The following TAFA2 variants were observed in gnomAD, a reference collection of about 807,000 sequenced individuals.
The protein encoded by TAFA2 is TAFA chemokine like family member 2, also known as chemokine-like protein TAFA-2.
TAFA2 carries 7 observed loss-of-function variants against 18.8 expected under a neutral mutation model. The ratio of observed to expected loss-of-function variants is 0.37; its 90% CI spans 0.21 to 0.70. TAFA2 has a LOEUF of 0.70. Among genes scored for constraint, TAFA2 ranks in the 30% least tolerant of loss-of-function variants. The probability of loss-of-function intolerance (pLI) is 0.53; values close to 1 mark genes in which losing one functional copy is unlikely to be tolerated. For synonymous variants in TAFA2, 60 were observed against 54.2 expected (o/e 1.11, Z -0.47); for missense variants, 122 against 158.1 (o/e 0.77, Z 1.23).
At chr12:61,834,477 A>C (rs769802596) in intron 2 of TAFA2, among the ~76,000 whole-genome samples, 15 of 152,064 alleles carry the variant, frequency 9.9e-5, no homozygotes, top group Non-Finnish European at 1.9e-4. Flanking sequence ...GAAATCTGGA[A>C]GCCTGATAGT....
Position 61,862,435 on chromosome 12 carries a change from C to G in TAFA2, c.106+4885G>C, listed in dbSNP as rs753898202. Among the ~76,000 whole-genome samples the G allele has an allele frequency of 3.4e-4, 51 of 152,170 alleles. 1 individual carries two copies. The highest frequency in any genetic ancestry group is 2.6e-4 in the Non-Finnish European group (18 of 68,030). On this transcript the variant is annotated intron_variant, in intron 2 of 4. Transcript: ENST00000416284. Reference sequence around the variant, plus strand: ...TTTATTAAGAAGATGACAACAATTTCTGATTTTTAGATACCCATTTTTTCA... The same window carrying G: ...TTTATTAAGAAGATGACAACAATTTGTGATTTTTAGATACCCATTTTTTCA...
intron 1 of TAFA2, among the ~76,000 whole-genome samples, chr12:62,056,243 T>C (rs1882184523): frequency 6.6e-6 from 1 of 152,176 alleles, no homozygotes; most frequent in Middle Eastern, 3.2e-3. Flanking sequence ...ACACAATAGC[T>C]TGCTACATCG....
chr12:62,067,214 A>T (rs1882512862), intron 1 of TAFA2, among the ~76,000 whole-genome samples: 1 of 151,928 alleles, frequency 6.6e-6, no homozygotes, highest in Non-Finnish European at 1.5e-5. Flanking sequence ...CTGGTTATTA[A>T]TCCCTTGTCA....
At chr12:61,955,600 C>CAAAAAAAAA in intron 1 of TAFA2, among the ~76,000 whole-genome samples, 1 of 38,938 alleles carries the variant, frequency 2.6e-5, no homozygotes. Flanking sequence ...GACTCCATCT[C>CAAAAAAAAA]AAAAAAAAAA....
At chr12:62,010,710 C>A (rs1411620718) in intron 1 of TAFA2, among the ~76,000 whole-genome samples, 2 of 130,398 alleles carry the variant, frequency 1.5e-5, no homozygotes, top group African/African-American at 5.9e-5. Flanking sequence ...GAAGTGGGCG[C>A]CTCTGCCCGG....
rs1427291324 is a variant in TAFA2 at position 61,851,707 on chromosome 12, G to A, written c.106+15613C>T. Among the ~76,000 whole-genome samples, 69 of 142,598 alleles carry A rather than the reference G, an allele frequency of 4.8e-4. 1 individual carries two copies. The highest frequency in any genetic ancestry group is 1.8e-3 in the African/African-American group (68 of 38,206). 93.5% of individuals were successfully genotyped at this position (142,598 alleles called of 152,430 possible). On this transcript the variant is annotated intron_variant, in intron 2 of 4. Transcript: ENST00000416284. ...GGAGAATGGCATGAACCTGGGAGGC[G>A]GTGCTTGCAGTGAACCGAGATTGTG...
intron 1 of TAFA2, among the ~76,000 whole-genome samples, chr12:61,872,656 T>C (rs1329634087): frequency 6.6e-6 from 1 of 152,144 alleles, no homozygotes; most frequent in Admixed American, 6.6e-5. Flanking sequence ...CACATCCCTG[T>C]ACCCCAGGTT....
intron 2 of TAFA2, among the ~76,000 whole-genome samples, chr12:61,785,930 T>C (rs1468114135): frequency 6.6e-6 from 1 of 151,450 alleles, no homozygotes; most frequent in Admixed American, 6.6e-5. Flanking sequence ...GGGGGAACCA[T>C]ATGGAGCCTA....
At chr12:61,891,516 C>T (rs111237979) in intron 1 of TAFA2, among the ~76,000 whole-genome samples, 10 of 152,122 alleles carry the variant, frequency 6.6e-5, no homozygotes, top group African/African-American at 1.9e-4. Context: ...GGTGTGGTGG[C>T]GCATGCCTGT....
Position 61,864,772 on chromosome 12 carries a change from CAAAAAAAAAAA to C in TAFA2, c.106+2537_106+2547del, listed in dbSNP as rs34286549. On this transcript the variant is annotated intron_variant, in intron 2 of 4. Transcript: ENST00000416284. Reference sequence around the variant, plus strand: ...TAGGCGACAGAGTGAGACTCCGTCTCAAAAAAAAAAAAAAAAAAAAAAGTACCACATAGATG... The same window carrying C: ...TAGGCGACAGAGTGAGACTCCGTCTCAAAAAAAAAAAGTACCACATAGATG... 5.1e-5 allele frequency among the ~76,000 whole-genome samples: 4 copies of C among 78,408 alleles called. No individual in the cohort carries two copies. The South Asian group carries it at 1.5e-3, about 29-fold the overall frequency. 51.4% of individuals were successfully genotyped at this position (78,408 alleles called of 152,430 possible). A position where few individuals can be genotyped will look rare whatever the true frequency, so the allele number is the denominator to read the frequency against.
chr12:61,793,908 T>C (rs959891687), intron 2 of TAFA2, among the ~76,000 whole-genome samples: 1 of 151,894 alleles, frequency 6.6e-6, no homozygotes, highest in Non-Finnish European at 1.5e-5. Flanking sequence ...GGTTTACTAG[T>C]TTAATATTTG....
At chr12:61,828,785 C>G (rs1293835990) in intron 2 of TAFA2, among the ~76,000 whole-genome samples, 1 of 151,704 alleles carries the variant, frequency 6.6e-6, no homozygotes, top group Non-Finnish European at 1.5e-5. Context: ...ATACATAGTT[C>G]AAGAATTTTT....
At chr12:61,910,740 T>C (rs1470864979) in intron 1 of TAFA2, among the ~76,000 whole-genome samples, 1 of 152,326 alleles carries the variant, frequency 6.6e-6, no homozygotes, top group Non-Finnish European at 1.5e-5. Flanking sequence ...TTCTGGGTCT[T>C]GAAACTACTT....
intron 1 of TAFA2, among the ~76,000 whole-genome samples, chr12:62,094,399 T>A (rs546363095): frequency 1.2e-4 from 19 of 152,090 alleles, no homozygotes; most frequent in Non-Finnish European, 2.2e-4. Flanking sequence ...ACTGCTCAGA[T>A]GACGTGTGCA....
chr12:62,184,437 G>A (rs1473416094), intron 1 of TAFA2, among the ~76,000 whole-genome samples: 2 of 149,848 alleles, frequency 1.3e-5, no homozygotes, highest in African/African-American at 2.5e-5. Flanking sequence ...AATATGTCAC[G>A]CTATATTATT....
intron 1 of TAFA2, among the ~76,000 whole-genome samples, chr12:61,953,816 G>C (rs1878552522): frequency 6.6e-6 from 1 of 152,142 alleles, no homozygotes; most frequent in Non-Finnish European, 1.5e-5. Flanking sequence ...ACTGAGCAAA[G>C]TGTGACAAGA....
chr12:61,927,881 G>A (rs1877374036), intron 1 of TAFA2, among the ~76,000 whole-genome samples: 1 of 152,124 alleles, frequency 6.6e-6, no homozygotes. Context: ...TCTGACCTTT[G>A]ACAAACCTGA....
intron 2 of TAFA2, among the ~76,000 whole-genome samples, chr12:61,762,014 T>G (rs1447971319): frequency 1.3e-5 from 2 of 152,040 alleles, no homozygotes; most frequent in African/African-American, 2.4e-5. Context: ...TCTGGGCATG[T>G]GAGATGTCTC....
rs151144932 is a variant in TAFA2, at chr12:61,781,151, ATCAG to A, written c.107-26131_107-26128del. Reference sequence around the variant, plus strand: ...GTGAAGGCATCTCAGTGACAGCATAATCAGTCAATCAGCAGGTATAAATGGGTCA... The same window carrying A: ...GTGAAGGCATCTCAGTGACAGCATAATCAATCAGCAGGTATAAATGGGTCA... On this transcript the variant is annotated intron_variant, in intron 2 of 4. Coordinates refer to ENST00000416284, the MANE Select transcript of TAFA2 (RefSeq NM_178539.5). Among the ~76,000 whole-genome samples, 344 of 151,924 alleles carry A rather than the reference ATCAG, an allele frequency of 2.3e-3. 1 individual carries two copies. Among genetic ancestry groups the A allele is most frequent in the Non-Finnish European group, 4.0e-3 (271 of 67,860 alleles).
Sources: allele counts gnomAD v4.1 joint callset (sites outside exome capture counted in the v4.1 genomes callset), GRCh38; gene constraint gnomAD v4.1.1; transcripts MANE v1.5; gene names NCBI Gene and HGNC (gene_info 2026-07-23, HGNC 2026-07-21).